RORB: variants seen among roughly 807,000 people sequenced by gnomAD.
RORB encodes the protein RAR related orphan receptor B.
In RORB, 6 loss-of-function variants were observed where a neutral mutation model predicts 59.1. The ratio of observed to expected loss-of-function variants is 0.10; its 90% CI spans 0.06 to 0.20. The LOEUF is 0.20. Among genes scored for constraint, RORB ranks in the 10% least tolerant of loss-of-function variants. The pLI is 1.00. For missense variants in RORB, 320 were observed against 560.5 expected, an observed-to-expected ratio of 0.57 and a Z score of 4.33; for synonymous variants, 215 against 204.5, an observed-to-expected ratio of 1.05 and a Z score of -0.44.
At chr9:74,551,672 A>G (rs546916130) in intron 1 of RORB, among the ~76,000 whole-genome samples, 1 of 152,348 alleles carries the variant, frequency 6.6e-6, no homozygotes, top group Admixed American at 6.5e-5. Flanking sequence ...GTTATACAAT[A>G]TAATTAGAGA....
intron 9 of RORB, among the ~76,000 whole-genome samples, chr9:74,678,782 T>A (rs887287417): frequency 9.9e-5 from 15 of 152,060 alleles, no homozygotes; most frequent in Non-Finnish European, 1.9e-4. Context: ...ATGCCTGTAA[T>A]CCCAGCATTT....
intron 1 of RORB, among the ~76,000 whole-genome samples, chr9:74,526,092 A>G (rs1209937507): frequency 1.3e-5 from 2 of 151,912 alleles, no homozygotes; most frequent in African/African-American, 2.4e-5. Context: ...CTAATTTGGA[A>G]TCACTCAAGT....
At chr9:74,646,145 T>G (rs182151189) in intron 4 of RORB, among the ~76,000 whole-genome samples, 2 of 151,694 alleles carry the variant, frequency 1.3e-5, no homozygotes, top group Admixed American at 1.3e-4. Flanking sequence ...AAAAAAAAAT[T>G]TAACATCACC....
chr9:74,619,062 G>A (rs538876894), intron 1 of RORB, among the ~76,000 whole-genome samples: 1 of 152,174 alleles, frequency 6.6e-6, no homozygotes, highest in African/African-American at 2.4e-5. Context: ...AATTCTGGAA[G>A]CATTCTGCTA....
chr9:74,634,889 A>T, intron 3 of RORB, 117 bp downstream of exon 3: 1 of 933,124 alleles, frequency 1.1e-6, no homozygotes, highest in South Asian at 1.9e-5. Flanking sequence ...GAAGAAAAGA[A>T]AATCACTGTG....
chr9:74,674,956 A>G (rs1272247332), intron 9 of RORB, among the ~76,000 whole-genome samples: 1 of 152,234 alleles, frequency 6.6e-6, no homozygotes, highest in Non-Finnish European at 1.5e-5. Context: ...ACTAAATGAG[A>G]TAAAATATAA....
chr9:74,497,628 A>AT lies in RORB; in HGVS notation c.-343dup, dbSNP rs977416920. ...AATCTTCTGAGCCGGAGGCGGTGGC[A>AT]TTTTTTAAAAAGCAAGCACATTGGA... On this transcript the variant is annotated 5_prime_UTR_variant, in exon 1 of 10. Coordinates refer to ENST00000376896, the MANE Select transcript of RORB (RefSeq NM_006914.4). 5.7e-6 allele frequency: 2 copies of AT among 350,440 alleles called. No individual in the cohort carries two copies. The highest frequency in any genetic ancestry group is 2.1e-5 in the African/African-American group (1 of 48,600). 21.7% of individuals were successfully genotyped at this position (350,440 alleles called of 1,614,324 possible).
intron 1 of RORB, among the ~76,000 whole-genome samples, chr9:74,604,235 G>A (rs1230217659): frequency 2.0e-5 from 3 of 152,156 alleles, no homozygotes; most frequent in South Asian, 4.1e-4. Context: ...CTGTTTTGAG[G>A]GATGCTAACG....
chr9:74,634,490 A>G (rs1025223341), intron 2 of RORB, 141 bp from the exon 3 acceptor site: 1 of 681,996 alleles, frequency 1.5e-6, no homozygotes, highest in South Asian at 2.4e-5. Flanking sequence ...TCTGCAAGCC[A>G]TACAAGAAGA....
At chr9:74,638,568 CA>C (rs1823742093) in intron 3 of RORB, among the ~76,000 whole-genome samples, 2 of 152,112 alleles carry the variant, frequency 1.3e-5, no homozygotes, top group African/African-American at 4.8e-5. Flanking sequence ...GAGGGGCAGA[CA>C]GTTAAAATAT....
intron 1 of RORB, among the ~76,000 whole-genome samples, chr9:74,538,688 T>C (rs1333222980): frequency 7.4e-6 from 1 of 135,770 alleles, no homozygotes; most frequent in Admixed American, 7.4e-5. Context: ...ATCTACTTCA[T>C]AAAGTAATTT....
intron 1 of RORB, among the ~76,000 whole-genome samples, chr9:74,518,597 G>A (rs1826043243): frequency 6.6e-6 from 1 of 152,018 alleles, no homozygotes; most frequent in Non-Finnish European, 1.5e-5. Flanking sequence ...ATTTCTGAAT[G>A]AGAATGTGGG....
chr9:74,601,154 C>G (rs540026794), intron 1 of RORB, among the ~76,000 whole-genome samples: 1 of 151,860 alleles, frequency 6.6e-6, no homozygotes, highest in South Asian at 2.1e-4. Flanking sequence ...TTAGCTATTC[C>G]TCTTCTAGGA....
rs1221426559 is a variant in RORB, at chr9:74,686,153, G to A, written c.*535G>A. 2 of 152,572 alleles carry A rather than the reference G, an allele frequency of 1.3e-5. No homozygotes were observed. Among genetic ancestry groups the A allele is most frequent in the Non-Finnish European group, 2.9e-5 (2 of 68,034 alleles). The allele number at this position is 152,572 out of a possible 1,614,324, so 9.5% of individuals were successfully genotyped here. A position where few individuals can be genotyped will look rare whatever the true frequency, so the allele number is the denominator to read the frequency against. Reference sequence around the variant, plus strand: ...TTACTTATACATGCACATGCACTGTGGCTTAAATACCATACCTACTAGCAA... The same window carrying A: ...TTACTTATACATGCACATGCACTGTAGCTTAAATACCATACCTACTAGCAA... On this transcript the variant is annotated 3_prime_UTR_variant, in exon 10 of 10. Transcript: ENST00000376896.
intron 1 of RORB, among the ~76,000 whole-genome samples, chr9:74,607,607 T>C (rs1284814808): frequency 6.6e-6 from 1 of 151,670 alleles, no homozygotes; most frequent in Non-Finnish European, 1.5e-5. Flanking sequence ...TATTTATATA[T>C]ATACACACAC....
At chr9:74,602,229 T>G (rs939160865) in intron 1 of RORB, among the ~76,000 whole-genome samples, 1 of 152,206 alleles carries the variant, frequency 6.6e-6, no homozygotes, top group Non-Finnish European at 1.5e-5. Flanking sequence ...TGTGCTTTTT[T>G]CCTCAGATAA....
intron 1 of RORB, among the ~76,000 whole-genome samples, chr9:74,525,072 T>C (rs974657428): frequency 1.3e-5 from 2 of 151,912 alleles, no homozygotes; most frequent in Admixed American, 1.3e-4. Flanking sequence ...TTCCTAATGC[T>C]GGTAAATAAA....
intron 1 of RORB, among the ~76,000 whole-genome samples, chr9:74,593,611 T>C (rs1822932785): frequency 6.6e-6 from 1 of 152,224 alleles, no homozygotes; most frequent in South Asian, 2.1e-4. Context: ...TTTTCCATTT[T>C]ATTCTACATT....
intron 1 of RORB, among the ~76,000 whole-genome samples, chr9:74,540,627 T>C (rs1361635025): frequency 6.6e-6 from 1 of 152,182 alleles, no homozygotes; most frequent in African/African-American, 2.4e-5. Context: ...ATCTCATTAT[T>C]GGTACAGGGA....
Sources: gnomAD v4.1 joint callset for allele counts (sites outside exome capture counted in the v4.1 genomes callset) on GRCh38, gnomAD v4.1.1 for gene constraint, MANE v1.5 for transcripts, NCBI Gene and HGNC (gene_info 2026-07-23, HGNC 2026-07-21) for gene names.